Variants in CDK14 observed in about 807,000 individuals in gnomAD.
CDK14 encodes cyclin dependent kinase 14.
Under a neutral mutation model 60.7 loss-of-function variants are expected in CDK14, and 34 were observed. The ratio of observed to expected loss-of-function variants is 0.56; its 90% CI spans 0.43 to 0.75. CDK14 has a LOEUF of 0.75. Ranked by LOEUF, CDK14 falls within the 30% of genes least tolerant of loss-of-function variation. The pLI is 0.00. For synonymous variants in CDK14, 197 were observed against 203.7 expected (o/e 0.97, Z 0.28); for missense variants, 482 against 564.1 (o/e 0.85, Z 1.47).
intron 8 of CDK14, among the ~76,000 whole-genome samples, chr7:90,927,583 G>A (rs1793456719): frequency 6.6e-6 from 1 of 152,158 alleles, no homozygotes; most frequent in South Asian, 2.1e-4. Flanking sequence ...AAGTACTAAA[G>A]TACATATATA....
chr7:90,655,845 C>T lies in CDK14; in HGVS notation c.123+51596C>T, dbSNP rs775961655. On this transcript the variant is annotated intron_variant, in intron 2 of 14. Transcript: ENST00000380050. Reference sequence around the variant, plus strand: ...CAACCTTTCATCAGAGACTTTGACTCATGCTGAAACACCCTTCATTTCTAG... The same window carrying T: ...CAACCTTTCATCAGAGACTTTGACTTATGCTGAAACACCCTTCATTTCTAG... Among the ~76,000 whole-genome samples the T allele has an allele frequency of 1.5e-4, 23 of 152,298 alleles. No individual in the cohort carries two copies. In the Middle Eastern group the frequency reaches 0.014, roughly 90 times the overall value.
intron 3 of CDK14, among the ~76,000 whole-genome samples, chr7:90,742,731 T>C (rs1158526475): frequency 6.6e-6 from 1 of 152,044 alleles, no homozygotes; most frequent in African/African-American, 2.4e-5. Flanking sequence ...AGGTCTTAAA[T>C]GGTCATGCTC....
intron 14 of CDK14, among the ~76,000 whole-genome samples, chr7:91,120,437 C>T (rs1430511409): frequency 6.6e-6 from 1 of 152,036 alleles, no homozygotes; most frequent in East Asian, 1.9e-4. Flanking sequence ...AACTAGATGT[C>T]AGGTTATAAC....
intron 5 of CDK14, among the ~76,000 whole-genome samples, chr7:90,848,966 C>A (rs1177046167): frequency 1.3e-5 from 2 of 152,146 alleles, no homozygotes; most frequent in African/African-American, 4.8e-5. Flanking sequence ...TTTTCTTACT[C>A]TGTTTATTGA....
intron 8 of CDK14, among the ~76,000 whole-genome samples, chr7:90,923,425 A>G (rs1793314522): frequency 6.6e-6 from 1 of 151,936 alleles, no homozygotes; most frequent in South Asian, 2.1e-4. Context: ...CTTTTTAAAA[A>G]CTCATATAGT....
chr7:90,700,174 A>G (rs62469733), intron 2 of CDK14, among the ~76,000 whole-genome samples: 1,573 of 152,202 alleles, frequency 0.01, 12 homozygotes, highest in South Asian at 0.026. Flanking sequence ...GCTCACTGCC[A>G]CCACCGACTC....
chr7:91,196,282 G>A (rs926767840), intron 14 of CDK14, among the ~76,000 whole-genome samples: 1 of 150,846 alleles, frequency 6.6e-6, no homozygotes, highest in Non-Finnish European at 1.5e-5. Flanking sequence ...GATTTCAAGA[G>A]TGGCTGTGTT....
At chr7:91,069,958 A>G (rs1798090039) in intron 11 of CDK14, among the ~76,000 whole-genome samples, 1 of 152,010 alleles carries the variant, frequency 6.6e-6, no homozygotes, top group Admixed American at 6.6e-5. Flanking sequence ...CACCACACCT[A>G]GCTGATTTTT....
rs34055384 is a variant in CDK14, at chr7:91,041,175, C to CTT, written c.1042-4707_1042-4706dup. On this transcript the variant is annotated intron_variant, in intron 10 of 14. Transcript: ENST00000380050. ...CCTCCACGGATAAGATGAGCTTGTC[C>CTT]TTTTTTTTTTTTTTTTAACAGATGT... Among the ~76,000 whole-genome samples the CTT allele has an allele frequency of 6.2e-3, 881 of 142,672 alleles. 7 individuals are homozygous for CTT. Among genetic ancestry groups the CTT allele is most frequent in the African/African-American group, 0.019 (748 of 38,792 alleles). The allele number at this position is 142,672 out of a possible 152,430, so 93.6% of individuals were successfully genotyped here.
chr7:90,884,825 G>A (rs1258475444), intron 6 of CDK14, among the ~76,000 whole-genome samples: 2 of 152,110 alleles, frequency 1.3e-5, no homozygotes, highest in Non-Finnish European at 2.9e-5. Flanking sequence ...ACAAAAACAA[G>A]CAATGGGGAA....
At chr7:91,149,008 C>T (rs55739330) in intron 14 of CDK14, among the ~76,000 whole-genome samples, 1 of 152,070 alleles carries the variant, frequency 6.6e-6, no homozygotes, top group Non-Finnish European at 1.5e-5. Context: ...ACCAGTAGTC[C>T]TGGCTTACTG....
chr7:90,736,350 G>GT (rs869290471), intron 3 of CDK14, among the ~76,000 whole-genome samples: 976 of 50,212 alleles, frequency 0.019, 10 homozygotes, highest in African/African-American at 0.026. Context: ...TTATGTTTTT[G>GT]TTTTTTTTTT....
chr7:90,606,111 C>T (rs1311626294), intron 2 of CDK14, among the ~76,000 whole-genome samples: 1 of 152,200 alleles, frequency 6.6e-6, no homozygotes, highest in Non-Finnish European at 1.5e-5. Flanking sequence ...ACAGAATGCT[C>T]TACTTGGAAG....
In CDK14 at chr7:90,882,341, CAAAG is replaced by C. The variant is rs147788907; in HGVS notation, c.640-16947_640-16944del. ...TTAAACCAACAAAGATTAAAAAAGA[CAAAG>C]AAGAGCATTACACAATGGTAAAGGG... On this transcript the variant is annotated intron_variant, in intron 6 of 14. Coordinates refer to ENST00000380050, the MANE Select transcript of CDK14 (RefSeq NM_001287135.2). 5.9e-3 allele frequency among the ~76,000 whole-genome samples: 873 copies of C among 148,290 alleles called. 13 individuals carry two copies. Among genetic ancestry groups the C allele is most frequent in the African/African-American group, 0.021 (831 of 40,306 alleles).
intron 9 of CDK14, among the ~76,000 whole-genome samples, chr7:90,977,841 T>A (rs958523545): frequency 1.3e-5 from 2 of 152,088 alleles, no homozygotes; most frequent in African/African-American, 4.8e-5. Context: ...TGCCTGACAC[T>A]CTGCTATGTC....
intron 6 of CDK14, among the ~76,000 whole-genome samples, chr7:90,892,781 G>GTTTTTA (rs1792175829): frequency 6.6e-6 from 1 of 152,006 alleles, no homozygotes; most frequent in Admixed American, 6.6e-5. Flanking sequence ...TGGGTTTTTT[G>GTTTTTA]TTTTTATTTT....
intron 2 of CDK14, among the ~76,000 whole-genome samples, chr7:90,673,755 C>G (rs1260412778): frequency 2.0e-5 from 3 of 152,094 alleles, no homozygotes; most frequent in African/African-American, 7.2e-5. Flanking sequence ...AATTTCATGC[C>G]TTATTTGTTG....
chr7:90,830,225 C>A (rs909739829), intron 5 of CDK14, among the ~76,000 whole-genome samples: 1 of 152,210 alleles, frequency 6.6e-6, no homozygotes, highest in Non-Finnish European at 1.5e-5. Flanking sequence ...TTCCATACAT[C>A]CTCTGAAATC....
intron 14 of CDK14, among the ~76,000 whole-genome samples, chr7:91,178,817 G>C (rs1181656386): frequency 6.6e-6 from 1 of 151,778 alleles, no homozygotes; most frequent in Non-Finnish European, 1.5e-5. Flanking sequence ...AACAGGTGCT[G>C]GAGAGGATGT....
Sources: gnomAD v4.1 joint callset for allele counts (sites outside exome capture counted in the v4.1 genomes callset) on GRCh38, gnomAD v4.1.1 for gene constraint, MANE v1.5 for transcripts, NCBI Gene and HGNC (gene_info 2026-07-23, HGNC 2026-07-21) for gene names.